The following CSMD3 variants were observed in gnomAD, a reference collection of about 807,000 sequenced individuals.
CSMD3 encodes CUB and Sushi multiple domains 3.
In CSMD3, 177 loss-of-function variants were observed where a neutral mutation model predicts 435.2. The ratio of observed to expected loss-of-function variants is 0.41; its 90% CI spans 0.36 to 0.46. The LOEUF (loss-of-function observed/expected upper bound fraction) is 0.46. Ranked by LOEUF, CSMD3 falls within the 20% of genes least tolerant of loss-of-function variation. The pLI is 0.34. For synonymous variants in CSMD3, 1,656 were observed against 1,520.5 expected, an observed-to-expected ratio of 1.09 and a Z score of -2.07; for missense variants, 4,265 against 4,504.6, an observed-to-expected ratio of 0.95 and a Z score of 1.52.
At chr8:112,728,972 C>G (rs1013936485) in intron 13 of CSMD3, among the ~76,000 whole-genome samples, 1 of 152,034 alleles carries the variant, frequency 6.6e-6, no homozygotes, top group Admixed American at 6.6e-5. Context: ...CATACATATA[C>G]AAACACACAT....
chr8:112,628,098 T>A (rs1834638230), intron 22 of CSMD3, among the ~76,000 whole-genome samples: 2 of 152,178 alleles, frequency 1.3e-5, no homozygotes, highest in Admixed American at 1.3e-4. Flanking sequence ...CACAATCTAA[T>A]TTCATTAAAT....
chr8:112,564,024 TTTAAAC>T (rs1373253573), intron 24 of CSMD3, among the ~76,000 whole-genome samples: 1 of 152,016 alleles, frequency 6.6e-6, no homozygotes, highest in African/African-American at 2.4e-5. Flanking sequence ...TCACCACACT[TTTAAAC>T]TAAAAAAGAA....
chr8:112,355,811 C>T (rs1000904326), intron 38 of CSMD3, among the ~76,000 whole-genome samples: 23 of 150,850 alleles, frequency 1.5e-4, no homozygotes, highest in African/African-American at 4.4e-4. Flanking sequence ...CCAGCCTGGG[C>T]GACAGAGCTG....
At chr8:112,510,588 A>G (rs1379890292) in intron 28 of CSMD3, among the ~76,000 whole-genome samples, 1 of 152,194 alleles carries the variant, frequency 6.6e-6, no homozygotes, top group Non-Finnish European at 1.5e-5. Flanking sequence ...TATGGTATCC[A>G]TAGTAACCTC....
chr8:113,059,201 T>TTATA (rs751783862), intron 5 of CSMD3, among the ~76,000 whole-genome samples: 40 of 152,160 alleles, frequency 2.6e-4, no homozygotes, highest in Non-Finnish European at 4.6e-4. Flanking sequence ...TTGGATGATT[T>TTATA]TATTTTGTGT....
chr8:112,809,575 TAA>T (rs1201166182), intron 12 of CSMD3, among the ~76,000 whole-genome samples: 1 of 152,138 alleles, frequency 6.6e-6, no homozygotes, highest in African/African-American at 2.4e-5. Flanking sequence ...CACATTTTAT[TAA>T]AAAAATGTTA....
intron 31 of CSMD3, among the ~76,000 whole-genome samples, chr8:112,477,197 A>AT (rs1358894543): frequency 6.6e-6 from 1 of 151,890 alleles, no homozygotes; most frequent in Non-Finnish European, 1.5e-5. Flanking sequence ...ATATAAGCCT[A>AT]TTTTTTTTCT....
chr8:112,848,825 CT>C (rs1457468883), intron 11 of CSMD3, among the ~76,000 whole-genome samples: 2 of 151,884 alleles, frequency 1.3e-5, no homozygotes, highest in Non-Finnish European at 2.9e-5. Context: ...AAAAGAAAGG[CT>C]TTTATAAGTA....
chr8:113,315,270 T>C (rs1368842873), intron 1 of CSMD3, among the ~76,000 whole-genome samples: 2 of 152,166 alleles, frequency 1.3e-5, no homozygotes, highest in Non-Finnish European at 2.9e-5. Flanking sequence ...ACCCTGTAGC[T>C]CACATGCTTT....
chr8:112,494,280 CCT>C (rs948325528), intron 30 of CSMD3, among the ~76,000 whole-genome samples: 1 of 150,588 alleles, frequency 6.6e-6, no homozygotes, highest in African/African-American at 2.4e-5. Flanking sequence ...TTCCTTCCTT[CCT>C]CTCTCTCTCA....
chr8:112,694,814 T>C (rs1586988691), intron 13 of CSMD3, among the ~76,000 whole-genome samples: 1 of 152,174 alleles, frequency 6.6e-6, no homozygotes, highest in East Asian at 1.9e-4. Flanking sequence ...TAGTTTCTAA[T>C]ATTTATAAAA....
intron 2 of CSMD3, chr8:113,313,110 G>C (rs1588496306): frequency 1.3e-5 from 2 of 152,008 alleles, no homozygotes; most frequent in East Asian, 1.9e-4. Context: ...ACATTTTCTC[G>C]TAATACCTGC....
At chr8:113,386,732 A>T (rs1490100931) in intron 1 of CSMD3, among the ~76,000 whole-genome samples, 1 of 151,894 alleles carries the variant, frequency 6.6e-6, no homozygotes, top group Non-Finnish European at 1.5e-5. Flanking sequence ...CCACTACATC[A>T]GAATAAACTG....
chr8:113,433,692 G>A (rs1017564245), intron 1 of CSMD3, among the ~76,000 whole-genome samples: 2 of 152,182 alleles, frequency 1.3e-5, no homozygotes, highest in East Asian at 1.9e-4. Flanking sequence ...TTCGCTGCAC[G>A]GTGTGTGTTC....
At chr8:112,568,774 A>C (rs1386562241) in intron 24 of CSMD3, among the ~76,000 whole-genome samples, 1 of 152,102 alleles carries the variant, frequency 6.6e-6, no homozygotes, top group Admixed American at 6.6e-5. Flanking sequence ...ATAAACACCC[A>C]AGAGTTTCTG....
chr8:113,087,029 TTC>T (rs763321761), intron 5 of CSMD3, among the ~76,000 whole-genome samples: 1 of 152,104 alleles, frequency 6.6e-6, no homozygotes, highest in South Asian at 2.1e-4. Context: ...AGACACCTGA[TTC>T]TCTCTCTCTC....
At chr8:113,117,356 G>A (rs578105209) in intron 4 of CSMD3, among the ~76,000 whole-genome samples, 49 of 152,312 alleles carry the variant, frequency 3.2e-4, no homozygotes, top group African/African-American at 1.1e-3. Flanking sequence ...ATGTGGTATT[G>A]AGCCTGAGGG....
intron 6 of CSMD3, among the ~76,000 whole-genome samples, chr8:112,998,494 T>A (rs1010267528): frequency 2.6e-5 from 4 of 151,946 alleles, no homozygotes; most frequent in Non-Finnish European, 5.9e-5. Flanking sequence ...ACTCTACATT[T>A]CCCTTCTGAC....
intron 13 of CSMD3, among the ~76,000 whole-genome samples, chr8:112,735,212 T>A (rs1179208032): frequency 6.6e-6 from 1 of 152,060 alleles, no homozygotes; most frequent in East Asian, 1.9e-4. Flanking sequence ...TAGCGAAGTA[T>A]GAGCTGAAGT....
Sources: allele counts gnomAD v4.1 joint callset (sites outside exome capture counted in the v4.1 genomes callset), GRCh38; gene constraint gnomAD v4.1.1; transcripts MANE v1.5; gene names NCBI Gene and HGNC (gene_info 2026-07-23, HGNC 2026-07-21).